Variants in ZNF780B observed in about 807,000 individuals in gnomAD.
The protein encoded by ZNF780B is zinc finger protein 779.
A neutral mutation model predicts 74.1 loss-of-function variants in ZNF780B; 52 were observed. That is an observed-to-expected ratio of 0.70 (90% confidence interval 0.56 to 0.88). The LOEUF is 0.88. Ranked by LOEUF, ZNF780B falls within the 40% of genes least tolerant of loss-of-function variation. ZNF780B has a pLI of 0.00. For missense variants in ZNF780B, 953 were observed against 1,007.6 expected (o/e 0.95, Z 0.73); for synonymous variants, 315 against 324.3 (o/e 0.97, Z 0.31).
At position 40,047,377 on chromosome 19, in the gene ZNF780B, G is replaced by A; in HGVS notation, c.230C>T (p.Pro77Leu). The change falls in exon 4 of 5, where the codon CCA becomes CTA. Residue 77 changes from proline (P) to leucine (L), a missense_variant and splice_region_variant. Physicochemically the swap from Pro to Leu is moderately conservative, Grantham distance 98 (BLOSUM62 -3). Coordinates refer to ENST00000434248, the MANE Select transcript of ZNF780B (RefSeq NM_001005851.3). ...VVSKETSRWY[P>L]DLESKYGPEK... ...CTGCCTGCTTTACTCTCACTTACCT[G>A]GATACCATCTGCTTGTTTCTTTACT... The A allele has an allele frequency of 6.2e-7, 1 of 1,612,114 alleles. No homozygotes were observed. The highest frequency in any genetic ancestry group is 8.5e-7 in the Non-Finnish European group (1 of 1,178,488).
Position 40,032,277 on chromosome 19 carries a change from CACTTCTGTA to C in ZNF780B, c.*2071_*2079del, listed in dbSNP as rs1972035127. 2 of 363,408 alleles carry C rather than the reference CACTTCTGTA, an allele frequency of 5.5e-6. No homozygotes were observed. The allele number at this position is 363,408 out of a possible 1,614,324, so 22.5% of individuals were successfully genotyped here. A position where few individuals can be genotyped will look rare whatever the true frequency, so the allele number is the denominator to read the frequency against. The stretch of plus-strand genomic sequence containing the variant: ...GGCCCAGGCTTATAAACTAGGGCTA[CACTTCTGTA>C]GGTTTACTAAGTTCCACAGGGGATT... On this transcript the variant is annotated 3_prime_UTR_variant, in exon 5 of 5. Coordinates refer to ENST00000434248, the MANE Select transcript of ZNF780B (RefSeq NM_001005851.3).
intron 4 of ZNF780B, among the ~76,000 whole-genome samples, chr19:40,044,032 T>C (rs2144781579): frequency 6.6e-6 from 1 of 152,358 alleles, no homozygotes; most frequent in African/African-American, 2.4e-5. Flanking sequence ...GCTGTTCCTA[T>C]TCGGCCATCT....
In ZNF780B at chr19:40,030,624, C is replaced by T. The variant is rs1033173636; in HGVS notation, c.*3733G>A. The T allele has an allele frequency of 6.6e-5, 10 of 152,152 alleles. No homozygotes were observed. Among genetic ancestry groups the T allele is most frequent in the African/African-American group, 2.2e-4 (9 of 41,422 alleles). 9.4% of individuals were successfully genotyped at this position (152,152 alleles called of 1,614,324 possible). A position where few individuals can be genotyped will look rare whatever the true frequency, so the allele number is the denominator to read the frequency against. On this transcript the variant is annotated 3_prime_UTR_variant, in exon 5 of 5. Coordinates refer to ENST00000434248, the MANE Select transcript of ZNF780B (RefSeq NM_001005851.3). ...GCCGTGATTTTTAAATTTGTACATA[C>T]TTGGTTTGTAACTTTAACAAATATA...
chr19:40,036,139 C>A lies in ZNF780B; in HGVS notation c.720G>T (p.Lys240Asn). Reference protein sequence around the residue: ...FNLPTQLNRHKNIHTVKKLFE... With the variant: ...FNLPTQLNRHNNIHTVKKLFE... ...ACAGTTTCTTAACTGTGTGAATGTT[C>A]TTATGGCGATTAAGCTGGGTGGGAA... Residue 240 changes from lysine to asparagine, a missense_variant, in exon 5 of 5, where the codon AAG becomes AAT. Coordinates refer to ENST00000434248, the MANE Select transcript of ZNF780B (RefSeq NM_001005851.3). The A allele has an allele frequency of 6.2e-7, 1 of 1,613,956 alleles. No homozygotes were observed. Among genetic ancestry groups the A allele is most frequent in the Non-Finnish European group, 8.5e-7 (1 of 1,179,952 alleles).
At chr19:40,046,136 T>C (rs904982017) in intron 4 of ZNF780B, among the ~76,000 whole-genome samples, 13 of 152,158 alleles carry the variant, frequency 8.5e-5, no homozygotes, top group African/African-American at 3.1e-4. Context: ...AGTTGGTTAA[T>C]GTTACAAACA....
intron 4 of ZNF780B, among the ~76,000 whole-genome samples, chr19:40,043,927 C>T (rs1376524011): frequency 6.6e-6 from 1 of 152,232 alleles, no homozygotes; most frequent in Non-Finnish European, 1.5e-5. Context: ...CATGCACTGT[C>T]TGGCACTCCC....
Position 40,035,998 on chromosome 19 carries a change from A to G in ZNF780B, c.861T>C (p.Asn287=), listed in dbSNP as rs1360948261. The part of the protein sequence containing the change: ...YQCKECGKAF[N]RGSNLIQHQK... ...GATGCTGAATAAGATTTGAACCACG[A>G]TTAAAGGCTTTCCCACACTCCTTAC... Residue 287 remains asparagine (N), a synonymous_variant, in exon 5 of 5, where the codon AAT becomes AAC. Transcript: ENST00000434248. The G allele has an allele frequency of 1.2e-6, 2 of 1,613,858 alleles. No homozygotes were observed. Among genetic ancestry groups the G allele is most frequent in the African/African-American group, 1.3e-5 (1 of 74,852 alleles).
chr19:40,046,943 A>G (rs1972959665), intron 4 of ZNF780B, among the ~76,000 whole-genome samples: 1 of 152,240 alleles, frequency 6.6e-6, no homozygotes, highest in African/African-American at 2.4e-5. Flanking sequence ...TACGTGTTAA[A>G]AGTTTACACT....
At chr19:40,052,248 ACG>A (rs1973266124) in intron 1 of ZNF780B, among the ~76,000 whole-genome samples, 2 of 152,238 alleles carry the variant, frequency 1.3e-5, no homozygotes, top group African/African-American at 4.8e-5. Flanking sequence ...TATCCTGTGC[ACG>A]GTACAATGTT....
rs1363640801 is a variant in ZNF780B at position 40,035,205 on chromosome 19, T to C, written c.1654A>G (p.Thr552Ala). Reference protein sequence around the residue: ...LQLSQHEKTHTGEKPFECKEC... With the variant: ...LQLSQHEKTHAGEKPFECKEC... ...TTACATTCAAAGGGTTTCTCACCTG[T>C]ATGAGTTTTCTCATGTTGAGAAAGT... Residue 552 changes from threonine to alanine, a missense_variant, in exon 5 of 5, where the codon ACA becomes GCA. By Grantham distance (58) the Thr-to-Ala change is moderately conservative (BLOSUM62 0). Coordinates refer to ENST00000434248, the MANE Select transcript of ZNF780B (RefSeq NM_001005851.3). 1.2e-6 allele frequency: 2 copies of C among 1,614,046 alleles called. No individual in the cohort carries two copies. The highest frequency in any genetic ancestry group is 1.7e-6 in the Non-Finnish European group (2 of 1,179,992).
At chr19:40,048,859 A>G (rs900389768) in intron 2 of ZNF780B, 63 bp from the exon 3 acceptor site, 8 of 1,605,142 alleles carry the variant, frequency 5.0e-6, no homozygotes, top group Non-Finnish European at 6.8e-6. Context: ...ACGAAAGGAG[A>G]GGAAGTGAAG....
At position 40,036,231 on chromosome 19, in the gene ZNF780B, G is replaced by A. The variant is rs749040462; in HGVS notation, c.628C>T (p.Arg210Ter). 36 of 1,611,274 alleles carry A rather than the reference G, an allele frequency of 2.2e-5. No homozygotes were observed. Among genetic ancestry groups the A allele is most frequent in the East Asian group, 4.5e-5 (2 of 44,876 alleles). The change falls in exon 5 of 5, where the codon CGA becomes TGA. Residue 210 changes from arginine (R) to a stop codon, truncating the protein, a stop_gained. Transcript: ENST00000434248. LOFTEE classifies it high-confidence loss of function. Reference sequence around the variant, plus strand: ...TCACCAGTATGAAATTTCTGATGTCGAGTAAGTTGTATGTGAAGTTGAAAG... The same window carrying A: ...TCACCAGTATGAAATTTCTGATGTCAAGTAAGTTGTATGTGAAGTTGAAAG... ...KAFQLHIQLT[R>*]HQKFHTGEKT... is the part of the protein sequence containing the mutation.
intron 1 of ZNF780B, among the ~76,000 whole-genome samples, chr19:40,050,841 G>A (rs1973193216): frequency 6.6e-6 from 1 of 152,222 alleles, no homozygotes; most frequent in Admixed American, 6.5e-5. Context: ...CATGAGAACT[G>A]GAAAGGATAT....
chr19:40,038,862 G>T (rs928828967), intron 4 of ZNF780B, among the ~76,000 whole-genome samples: 6 of 149,792 alleles, frequency 4.0e-5, no homozygotes, highest in Admixed American at 1.3e-4. Context: ...TTTGTAGGTT[G>T]CCTGTTCACT....
chr19:40,041,216 TTGAG>T lies in ZNF780B; in HGVS notation c.233-4594_233-4591del, dbSNP rs545059632. On this transcript the variant is annotated intron_variant, in intron 4 of 4. Coordinates refer to ENST00000434248, the MANE Select transcript of ZNF780B (RefSeq NM_001005851.3). ...TCAGTTTCCATGTAGTTGAGTGGTT[TTGAG>T]TGAGTTTCTTAATCCTGAGTTCTGG... Among the ~76,000 whole-genome samples, 360 of 152,316 alleles carry T rather than the reference TTGAG, an allele frequency of 2.4e-3. 2 individuals are homozygous for T. The highest frequency in any genetic ancestry group is 8.3e-3 in the African/African-American group (347 of 41,570).
At chr19:40,037,565 C>T (rs1407322255) in intron 4 of ZNF780B, among the ~76,000 whole-genome samples, 1 of 152,220 alleles carries the variant, frequency 6.6e-6, no homozygotes, top group African/African-American at 2.4e-5. Context: ...TGGGAGCCAT[C>T]ACACCCAGCC....
chr19:40,039,363 TC>T (rs1198784738), intron 4 of ZNF780B, among the ~76,000 whole-genome samples: 2 of 152,212 alleles, frequency 1.3e-5, no homozygotes, highest in African/African-American at 4.8e-5. Context: ...CCGGCTTTGT[TC>T]TTTTGGCTTA....
intron 4 of ZNF780B, among the ~76,000 whole-genome samples, chr19:40,041,721 A>C (rs942844308): frequency 6.6e-6 from 1 of 152,044 alleles, no homozygotes; most frequent in African/African-American, 2.4e-5. Context: ...AGAGACTAGG[A>C]TTGCAACCCC....
chr19:40,048,395 G>A (rs907551586), intron 3 of ZNF780B, among the ~76,000 whole-genome samples: 5 of 152,134 alleles, frequency 3.3e-5, no homozygotes, highest in Non-Finnish European at 5.9e-5. Context: ...ATCATTCAAC[G>A]AATATACAAG....
Sources: allele counts gnomAD v4.1 joint callset (sites outside exome capture counted in the v4.1 genomes callset), GRCh38; gene constraint gnomAD v4.1.1; transcripts MANE v1.5; gene names NCBI Gene and HGNC (gene_info 2026-07-23, HGNC 2026-07-21).